RASSF8: variants seen among roughly 807,000 people sequenced by gnomAD.
RASSF8 encodes the protein Ras association domain family member 8.
In RASSF8, 22 loss-of-function variants were observed where a neutral mutation model predicts 48.5. The ratio of observed to expected loss-of-function variants is 0.45; its 90% confidence interval spans 0.32 to 0.65. The LOEUF (loss-of-function observed/expected upper bound fraction) is 0.65, where lower values mean the gene tolerates loss of function less well. RASSF8 is among the 30% of genes least tolerant of loss of function. The probability of loss-of-function intolerance (pLI) is 0.03; values close to 1 mark genes in which losing one functional copy is unlikely to be tolerated. For synonymous variants in RASSF8, 127 were observed against 171.5 expected (o/e 0.74, Z 2.03); for missense variants, 418 against 489.2 (o/e 0.85, Z 1.37).
In RASSF8 at chr12:26,071,905, A is replaced by G. The variant is rs1423222126; in HGVS notation, c.*3087A>G. 1 of 985,048 alleles carries G rather than the reference A, an allele frequency of 1.0e-6. No individual in the cohort carries two copies. The highest frequency in any genetic ancestry group is 1.7e-5 in the African/African-American group (1 of 57,244). The allele number at this position is 985,048 out of a possible 1,614,324, so 61.0% of individuals were successfully genotyped here. A position where few individuals can be genotyped will look rare whatever the true frequency, so the allele number is the denominator to read the frequency against. On this transcript the variant is annotated 3_prime_UTR_variant, in exon 6 of 6. Transcript: ENST00000689635. ...CACTTGCTTCCACAGCATAAATGTAATTTACATCTGCATTAAAGGATAATT... is the reference window on the plus strand; with the variant it reads ...CACTTGCTTCCACAGCATAAATGTAGTTTACATCTGCATTAAAGGATAATT...
chr12:26,010,030 AG>A (rs1395590733), intron 2 of RASSF8, among the ~76,000 whole-genome samples: 2 of 152,140 alleles, frequency 1.3e-5, no homozygotes, highest in East Asian at 1.9e-4. Flanking sequence ...AGTGAGGGTG[AG>A]GGGGTGGCAT....
At chr12:25,977,951 A>C (rs1941648245) in intron 1 of RASSF8, among the ~76,000 whole-genome samples, 1 of 152,196 alleles carries the variant, frequency 6.6e-6, no homozygotes, top group Non-Finnish European at 1.5e-5. Context: ...AATCATAGTT[A>C]GTGGTAAAAT....
In RASSF8 at chr12:26,071,251, T is replaced by G; in HGVS notation, c.*2433T>G. 2.0e-6 allele frequency: 2 copies of G among 984,316 alleles called. No individual in the cohort carries two copies. The highest frequency in any genetic ancestry group is 2.4e-6 in the Non-Finnish European group (2 of 828,938). The allele number at this position is 984,316 out of a possible 1,614,324, so 61.0% of individuals were successfully genotyped here. A position where few individuals can be genotyped will look rare whatever the true frequency, so the allele number is the denominator to read the frequency against. On this transcript the variant is annotated 3_prime_UTR_variant, in exon 6 of 6. Transcript: ENST00000689635. ...TAGTATATTTGTGATCATTTTTATCTATTGCAAATACAAATGAATTAGATA... is the reference window on the plus strand; with the variant it reads ...TAGTATATTTGTGATCATTTTTATCGATTGCAAATACAAATGAATTAGATA...
At chr12:25,966,698 A>AT (rs1941368767) in intron 1 of RASSF8, among the ~76,000 whole-genome samples, 1 of 152,210 alleles carries the variant, frequency 6.6e-6, no homozygotes, top group South Asian at 2.1e-4. Context: ...GTTTCATCAA[A>AT]TATATGCTTT....
chr12:26,060,050 A>G (rs1009470198), intron 3 of RASSF8, among the ~76,000 whole-genome samples: 4 of 151,996 alleles, frequency 2.6e-5, no homozygotes, highest in African/African-American at 9.7e-5. Context: ...GGCACCCACC[A>G]CCACGCCCAG....
At position 25,970,846 on chromosome 12, in the gene RASSF8, A is replaced by G. The variant is rs142182121; in HGVS notation, c.-203+11698A>G. ...CATGCATTGATGCTGAAACATCTGAACATGCTATTTGATGACATGAAGAAA... is the reference window on the plus strand; with the variant it reads ...CATGCATTGATGCTGAAACATCTGAGCATGCTATTTGATGACATGAAGAAA... On this transcript the variant is annotated intron_variant, in intron 1 of 5. Transcript: ENST00000689635. Among the ~76,000 whole-genome samples the G allele has an allele frequency of 2.0e-3, 306 of 152,296 alleles. 3 individuals carry two copies. Among genetic ancestry groups the G allele is most frequent in the Middle Eastern group, 0.01 (3 of 294 alleles).
At chr12:26,076,611 G>T (rs1217758661), downstream of RASSF8, among the ~76,000 whole-genome samples, 1 of 151,986 alleles carries the variant, frequency 6.6e-6, no homozygotes, top group African/African-American at 2.4e-5. Flanking sequence ...TTTTTTTATG[G>T]CTGCATAGTA....
intron 1 of RASSF8, among the ~76,000 whole-genome samples, chr12:25,970,296 G>C (rs1941456129): frequency 6.6e-6 from 1 of 152,060 alleles, no homozygotes; most frequent in Non-Finnish European, 1.5e-5. Context: ...CTGGGCCCCT[G>C]CCCACTGAAC....
chr12:26,068,880 GATT>G lies in RASSF8; in HGVS notation c.*63_*65del. The G allele has an allele frequency of 6.6e-7, 1 of 1,521,406 alleles. No individual in the cohort carries two copies. The highest frequency in any genetic ancestry group is 8.8e-7 in the Non-Finnish European group (1 of 1,139,106). 94.2% of individuals were successfully genotyped at this position (1,521,406 alleles called of 1,614,324 possible). The stretch of plus-strand genomic sequence containing the variant: ...ACCAAGGACAGTAAACTTCCTTTTT[GATT>G]TGTGCCAATGATGAACAGAGGATCT... On this transcript the variant is annotated 3_prime_UTR_variant, in exon 6 of 6. Transcript: ENST00000689635.
intron 2 of RASSF8, among the ~76,000 whole-genome samples, chr12:26,048,421 A>G (rs1023577446): frequency 7.9e-5 from 12 of 152,120 alleles, no homozygotes; most frequent in Non-Finnish European, 1.5e-4. Flanking sequence ...AGGGGGAAAA[A>G]AAGAAAAGAA....
At chr12:25,972,761 G>T (rs1217966845) in intron 1 of RASSF8, among the ~76,000 whole-genome samples, 2 of 152,334 alleles carry the variant, frequency 1.3e-5, no homozygotes, top group East Asian at 3.9e-4. Flanking sequence ...ATGTCTGTGT[G>T]TACATGTATA....
chr12:25,962,635 G>A (rs1308751450), intron 1 of RASSF8, among the ~76,000 whole-genome samples: 1 of 151,876 alleles, frequency 6.6e-6, no homozygotes, highest in East Asian at 1.9e-4. Context: ...ATGTTGCCCA[G>A]TTGGTCTTAA....
chr12:25,960,780 T>C (rs908477671), intron 1 of RASSF8, among the ~76,000 whole-genome samples: 2 of 152,170 alleles, frequency 1.3e-5, no homozygotes, highest in African/African-American at 4.8e-5. Context: ...TGGGCTTTAG[T>C]AGCTTAGGGG....
At chr12:25,985,481 G>A (rs1030483372) in intron 1 of RASSF8, among the ~76,000 whole-genome samples, 5 of 152,216 alleles carry the variant, frequency 3.3e-5, no homozygotes, top group Non-Finnish European at 2.9e-5. Context: ...GGCAGTGCAG[G>A]GGTCCAGTTC....
At position 25,975,986 on chromosome 12, in the gene RASSF8, A is replaced by G. The variant is rs147151456; in HGVS notation, c.-203+16838A>G. ...AGACAGAAATGGGGCCCATAATGTGATTGGAACCAGGTGTAGAGGAGCCGC... is the reference window on the plus strand; with the variant it reads ...AGACAGAAATGGGGCCCATAATGTGGTTGGAACCAGGTGTAGAGGAGCCGC... On this transcript the variant is annotated intron_variant, in intron 1 of 5. Coordinates refer to ENST00000689635, the MANE Select transcript of RASSF8 (RefSeq NM_001394098.1). 6.3e-3 allele frequency among the ~76,000 whole-genome samples: 964 copies of G among 152,234 alleles called. 6 individuals carry two copies. The highest frequency in any genetic ancestry group is 9.8e-3 in the Non-Finnish European group (667 of 68,024).
chr12:26,034,827 T>A (rs1171400761), intron 2 of RASSF8, among the ~76,000 whole-genome samples: 1 of 151,654 alleles, frequency 6.6e-6, no homozygotes, highest in Non-Finnish European at 1.5e-5. Flanking sequence ...TCATGATATT[T>A]AAGCTACATT....
chr12:25,990,277 A>G (rs1455028056), intron 1 of RASSF8, among the ~76,000 whole-genome samples: 1 of 152,192 alleles, frequency 6.6e-6, no homozygotes, highest in Non-Finnish European at 1.5e-5. Context: ...TTTCTCTTGT[A>G]TGAACTCTGC....
At chr12:25,970,436 A>G (rs1051053207) in intron 1 of RASSF8, among the ~76,000 whole-genome samples, 5 of 152,030 alleles carry the variant, frequency 3.3e-5, no homozygotes, top group East Asian at 1.9e-4. Context: ...TGAGTAATTC[A>G]TCTAGTTCTG....
At chr12:26,036,347 GTTTCTTGAACTGAAAAA>G (rs1592293215) in intron 2 of RASSF8, among the ~76,000 whole-genome samples, 1 of 152,040 alleles carries the variant, frequency 6.6e-6, no homozygotes, top group African/African-American at 2.4e-5. Flanking sequence ...GAAGGCTTCT[GTTTCTTGAACTGAAAAA>G]TTCTTACCAA....
Sources: gnomAD v4.1 joint callset for allele counts (sites outside exome capture counted in the v4.1 genomes callset) on GRCh38, gnomAD v4.1.1 for gene constraint, MANE v1.5 for transcripts, NCBI Gene and HGNC (gene_info 2026-07-23, HGNC 2026-07-21) for gene names.